Variants in POLR1C observed in about 807,000 individuals in gnomAD.
POLR1C encodes RNA polymerase I and III subunit C, also known as DNA-directed RNA polymerases I and III subunit RPAC1.
A neutral mutation model predicts 38.3 loss-of-function variants in POLR1C; 42 were observed. That is an observed-to-expected ratio of 1.10 (90% CI 0.86 to 1.42). The LOEUF is 1.42. Among genes scored for constraint, POLR1C ranks in the 40% most tolerant of loss-of-function variants. POLR1C has a pLI of 0.00. For missense variants in POLR1C, 507 were observed against 450.5 expected, an observed-to-expected ratio of 1.13 and a Z score of -1.14; for synonymous variants, 163 against 163.9, an observed-to-expected ratio of 0.99 and a Z score of 0.04.
intron 8 of POLR1C, among the ~76,000 whole-genome samples, chr6:43,528,378 T>TA (rs1793732690): frequency 6.6e-6 from 1 of 152,158 alleles, no homozygotes; most frequent in Non-Finnish European, 1.5e-5. Context: ...ATGGTTTCTG[T>TA]AACCTATCCC....
chr6:43,526,750 A>G, intron 8 of POLR1C: 1 of 1,613,542 alleles, frequency 6.2e-7, no homozygotes, highest in South Asian at 1.1e-5. Flanking sequence ...GCAAACCGCT[A>G]AAGCAAGAAA....
chr6:43,526,310 A>C (rs892397638), downstream of POLR1C: 1 of 363,232 alleles, frequency 2.8e-6, no homozygotes, highest in African/African-American at 2.0e-5. Flanking sequence ...GGAATACATA[A>C]ATAAAAACAT....
chr6:43,542,251 C>G lies in POLR1C; in HGVS notation c.*5-8717C>G, dbSNP rs367873237. 3.9e-5 allele frequency among the ~76,000 whole-genome samples: 6 copies of G among 152,144 alleles called. No individual in the cohort carries two copies. The East Asian group carries it at 5.8e-4, about 15-fold the overall frequency. The stretch of plus-strand genomic sequence containing the variant: ...CTGTAACACTTGACTAGTAATACTT[C>G]AAGTGCTCAATAGTTTCATGTGGCA... On this transcript the variant is annotated intron_variant, in intron 9 of 10. Coordinates refer to the POLR1C transcript ENST00000607635.
chr6:43,537,958 CTCGAGAGGCTGAGGCAG>C (rs1310619716), intron 9 of POLR1C, among the ~76,000 whole-genome samples: 11 of 151,024 alleles, frequency 7.3e-5, no homozygotes, highest in South Asian at 2.1e-4. Flanking sequence ...ATCCCAGCTA[CTCGAGAGGCTGAGGCAG>C]TCGAGAGGCT....
intron 9 of POLR1C, chr6:43,548,475 G>C: frequency 4.6e-6 from 7 of 1,509,992 alleles, no homozygotes; most frequent in Non-Finnish European, 5.3e-6. Flanking sequence ...AGATCAAAAA[G>C]AAAAAAAGCC....
intron 10 of POLR1C, among the ~76,000 whole-genome samples, chr6:43,554,702 C>T (rs186509110): frequency 9.3e-4 from 141 of 152,282 alleles, no homozygotes; most frequent in Admixed American, 8.6e-3. Flanking sequence ...GGATTACAGG[C>T]GTGAGCCACC....
chr6:43,537,683 A>C (rs533525046), intron 9 of POLR1C, among the ~76,000 whole-genome samples: 1 of 152,216 alleles, frequency 6.6e-6, no homozygotes, highest in East Asian at 1.9e-4. Flanking sequence ...AGTAGACAAG[A>C]TCAAACAATA....
chr6:43,539,771 T>C (rs1298644512), intron 9 of POLR1C: 1 of 587,288 alleles, frequency 1.7e-6, no homozygotes, highest in Non-Finnish European at 3.0e-6. Flanking sequence ...AGAGATAAAT[T>C]ATCTGTTCCT....
chr6:43,548,392 C>G, intron 9 of POLR1C: 1 of 1,612,862 alleles, frequency 6.2e-7, no homozygotes, highest in Non-Finnish European at 8.5e-7. Context: ...CACACTTCTC[C>G]ATTTGTGTCA....
chr6:43,533,794 C>T, downstream of POLR1C: 1 of 663,986 alleles, frequency 1.5e-6, no homozygotes, highest in Non-Finnish European at 2.4e-6. Flanking sequence ...ATGGTTGCAC[C>T]AGTGCACTCT....
intron 9 of POLR1C, chr6:43,539,717 G>A (rs1034833246): frequency 3.1e-5 from 20 of 646,914 alleles, no homozygotes; most frequent in African/African-American, 1.6e-4. Context: ...GTGTTTTCTC[G>A]GAGAAGAAGC....
chr6:43,528,022 G>A, intron 8 of POLR1C: 1 of 898,704 alleles, frequency 1.1e-6, no homozygotes. Flanking sequence ...GACAAGCCAT[G>A]TATCACCTAG....
At chr6:43,523,856 C>G, downstream of POLR1C, 1 of 1,613,956 alleles carries the variant, frequency 6.2e-7, no homozygotes, top group Non-Finnish European at 8.5e-7. Flanking sequence ...GAAGGATGCC[C>G]AAAAGCTTGA....
At chr6:43,560,955 G>T (rs1329836928) in intron 10 of POLR1C, 2 of 1,613,942 alleles carry the variant, frequency 1.2e-6, no homozygotes. Flanking sequence ...AGCAAGAAAA[G>T]ATTCCAGGTA....
At position 43,517,115 on chromosome 6, in the gene POLR1C, G is replaced by A. The variant is rs754127087; in HGVS notation, c.6G>A (p.Ala2=). M[A]ASQAVEEMRS... ...GTCTCGTGGAGAGATTGAAGATGGC[G>A]GCTTCTCAGGCGGTGGAGGAAATGC... Residue 2 remains alanine, a synonymous_variant, in exon 1 of 9, where the codon GCG becomes GCA. Transcript: ENST00000642195. 9.3e-6 allele frequency: 15 copies of A among 1,614,100 alleles called. No individual in the cohort carries two copies. Among genetic ancestry groups the A allele is most frequent in the East Asian group, 4.5e-5 (2 of 44,904 alleles).
At chr6:43,549,629 G>T in intron 9 of POLR1C, 1 of 1,580,864 alleles carries the variant, frequency 6.3e-7, no homozygotes, top group Non-Finnish European at 8.6e-7. Context: ...ATAATATACA[G>T]GTGCTGCATA....
At chr6:43,549,389 A>T in intron 9 of POLR1C, 2 of 1,194,030 alleles carry the variant, frequency 1.7e-6, no homozygotes, top group Non-Finnish European at 2.3e-6. Flanking sequence ...ATGCAAAGCT[A>T]TAGTTTCTAG....
exon 11 of POLR1C, chr6:43,562,404 A>T: frequency 8.0e-7 from 1 of 1,257,750 alleles, no homozygotes; most frequent in Non-Finnish European, 1.1e-6. Flanking sequence ...TAATAAAAAC[A>T]TCACTTTGTG....
At chr6:43,545,261 C>A (rs1390985006) in intron 9 of POLR1C, among the ~76,000 whole-genome samples, 1 of 152,186 alleles carries the variant, frequency 6.6e-6, no homozygotes, top group African/African-American at 2.4e-5. Context: ...AACTTAAAAT[C>A]TTTGGTTCTC....
Sources: gnomAD v4.1 joint callset for allele counts (sites outside exome capture counted in the v4.1 genomes callset) on GRCh38, gnomAD v4.1.1 for gene constraint, MANE v1.5 for transcripts, NCBI Gene and HGNC (gene_info 2026-07-23, HGNC 2026-07-21) for gene names.